Variants in ROR1 observed in about 807,000 individuals in gnomAD.
ROR1 encodes ROR family WNT receptor 1.
Under a neutral mutation model 78.8 loss-of-function variants are expected in ROR1, and 19 were observed. The observed-to-expected ratio is 0.24, with a 90% CI of 0.17 to 0.35. ROR1 has a LOEUF of 0.35. Ranked by LOEUF, ROR1 falls within the 10% of genes least tolerant of loss-of-function variation. The pLI is 1.00. For synonymous variants in ROR1, 386 were observed against 433.6 expected, an observed-to-expected ratio of 0.89 and a Z score of 1.36; for missense variants, 917 against 1,177.8, an observed-to-expected ratio of 0.78 and a Z score of 3.24.
chr1:63,953,459 G>T (rs558349693), intron 1 of ROR1, among the ~76,000 whole-genome samples: 1 of 152,126 alleles, frequency 6.6e-6, no homozygotes, highest in East Asian at 1.9e-4. Context: ...AATAAAAGTC[G>T]TGTGAATACA....
At chr1:63,798,875 A>C (rs1376047607) in intron 1 of ROR1, among the ~76,000 whole-genome samples, 4 of 152,112 alleles carry the variant, frequency 2.6e-5, no homozygotes, top group Admixed American at 6.6e-5. Flanking sequence ...ACTTTGAAAA[A>C]ATAGATGAAG....
chr1:63,881,131 A>G (rs1456571366), intron 1 of ROR1, among the ~76,000 whole-genome samples: 1 of 152,150 alleles, frequency 6.6e-6, no homozygotes, highest in Non-Finnish European at 1.5e-5. Flanking sequence ...GCTGGCCCTT[A>G]TTTGACCTTT....
chr1:63,959,873 C>A (rs971350631), intron 1 of ROR1, among the ~76,000 whole-genome samples: 1 of 152,234 alleles, frequency 6.6e-6, no homozygotes, highest in South Asian at 2.1e-4. Context: ...GCAGCCCCTT[C>A]AACCTGGAGT....
At chr1:63,813,894 G>A (rs562026427) in intron 1 of ROR1, among the ~76,000 whole-genome samples, 1 of 152,340 alleles carries the variant, frequency 6.6e-6, no homozygotes, top group Admixed American at 6.5e-5. Flanking sequence ...GTTGGTGAAA[G>A]CTCACATGCT....
At chr1:64,019,598 A>G (rs757577565) in intron 2 of ROR1, among the ~76,000 whole-genome samples, 14 of 152,074 alleles carry the variant, frequency 9.2e-5, no homozygotes, top group South Asian at 6.2e-4. Context: ...CGGGAGTAAC[A>G]CCTCCCTTTC....
chr1:64,114,591 C>T (rs1648243423), intron 4 of ROR1, among the ~76,000 whole-genome samples: 1 of 152,068 alleles, frequency 6.6e-6, no homozygotes, highest in South Asian at 2.1e-4. Flanking sequence ...CACAACAGGG[C>T]CCAGGGTATT....
intron 1 of ROR1, among the ~76,000 whole-genome samples, chr1:63,798,666 C>T (rs1163703346): frequency 1.3e-5 from 2 of 152,178 alleles, no homozygotes; most frequent in Non-Finnish European, 2.9e-5. Context: ...ATAGTAATCA[C>T]TTAACACATT....
At chr1:64,126,239 G>A (rs1197649673) in intron 4 of ROR1, among the ~76,000 whole-genome samples, 1 of 152,198 alleles carries the variant, frequency 6.6e-6, no homozygotes, top group Non-Finnish European at 1.5e-5. Flanking sequence ...ACCAGGACCT[G>A]AGAACCAAGA....
intron 4 of ROR1, among the ~76,000 whole-genome samples, chr1:64,065,161 T>C (rs1232497462): frequency 6.6e-6 from 1 of 152,222 alleles, no homozygotes; most frequent in Middle Eastern, 3.2e-3. Context: ...TACTAAGTGC[T>C]ACTCTGTGCC....
At chr1:63,784,842 G>A (rs995619718) in intron 1 of ROR1, among the ~76,000 whole-genome samples, 4 of 152,352 alleles carry the variant, frequency 2.6e-5, no homozygotes, top group East Asian at 3.9e-4. Flanking sequence ...TGAATGGAGA[G>A]CAGCAATTCT....
chr1:63,992,293 C>T (rs761808051), intron 1 of ROR1, among the ~76,000 whole-genome samples: 3 of 151,884 alleles, frequency 2.0e-5, no homozygotes, highest in African/African-American at 7.3e-5. Context: ...CTGCAACTTC[C>T]GACTCCCTGG....
At chr1:64,067,645 A>C (rs1212040145) in intron 4 of ROR1, among the ~76,000 whole-genome samples, 2 of 151,506 alleles carry the variant, frequency 1.3e-5, no homozygotes, top group Admixed American at 1.3e-4. Context: ...TTTTAGAATA[A>C]TTGAATTGAC....
intron 4 of ROR1, among the ~76,000 whole-genome samples, chr1:64,104,484 C>CT (rs140148564): frequency 3.0e-4 from 44 of 146,970 alleles, no homozygotes; most frequent in East Asian, 4.0e-4. Flanking sequence ...GTAATAAATT[C>CT]TTTTTTTTTT....
chr1:63,890,707 C>G (rs1645388320), intron 1 of ROR1, among the ~76,000 whole-genome samples: 1 of 151,904 alleles, frequency 6.6e-6, no homozygotes, highest in African/African-American at 2.4e-5. Flanking sequence ...GGAGGAGTTT[C>G]AGGTAGAAGA....
At chr1:63,823,948 A>G (rs1457655088) in intron 1 of ROR1, among the ~76,000 whole-genome samples, 2 of 151,916 alleles carry the variant, frequency 1.3e-5, no homozygotes, top group Non-Finnish European at 2.9e-5. Flanking sequence ...GGGTTTCACC[A>G]TGTTGGCCAG....
chr1:64,135,526 G>C (rs1649072787), intron 4 of ROR1, among the ~76,000 whole-genome samples: 1 of 151,952 alleles, frequency 6.6e-6, no homozygotes, highest in Non-Finnish European at 1.5e-5. Context: ...GTGGCATGGG[G>C]GTGTATTCTG....
chr1:63,866,081 A>G (rs940161014), intron 1 of ROR1, among the ~76,000 whole-genome samples: 4 of 152,134 alleles, frequency 2.6e-5, no homozygotes, highest in African/African-American at 9.7e-5. Context: ...GGTCATGTTC[A>G]TTAATTTTCT....
rs566884622 is a variant in ROR1, at chr1:64,142,445, G to T, written c.969G>T (p.Gly323=). 4.7e-5 allele frequency: 76 copies of T among 1,614,120 alleles called. 1 individual carries two copies. The Middle Eastern group carries it at 1.3e-3, about 28-fold the overall frequency. Residue 323 remains glycine, a synonymous_variant, in exon 7 of 9, where the codon GGG becomes GGT. Coordinates refer to ENST00000371079, the MANE Select transcript of ROR1 (RefSeq NM_005012.4). ...CYNSTGVDYR[G]TVSVTKSGRQ... The stretch of plus-strand genomic sequence containing the variant: ...ACAGCACAGGTGTGGACTACCGGGG[G>T]ACCGTCAGTGTGACCAAATCAGGGC...
chr1:64,125,912 G>C (rs1648697971), intron 4 of ROR1, among the ~76,000 whole-genome samples: 1 of 152,112 alleles, frequency 6.6e-6, no homozygotes, highest in Non-Finnish European at 1.5e-5. Context: ...GTGAGACTGG[G>C]GTTGCATTAC....
Sources: gnomAD v4.1 joint callset for allele counts (sites outside exome capture counted in the v4.1 genomes callset) on GRCh38, gnomAD v4.1.1 for gene constraint, MANE v1.5 for transcripts, NCBI Gene and HGNC (gene_info 2026-07-23, HGNC 2026-07-21) for gene names.